The following TEX36 variants were observed in gnomAD, a reference collection of about 807,000 sequenced individuals.
TEX36 encodes the protein testis-expressed protein 36.
TEX36 carries 12 observed loss-of-function variants against 13.6 expected under a neutral mutation model. The ratio of observed to expected loss-of-function variants is 0.88; its 90% CI spans 0.56 to 1.43. The LOEUF is 1.43. TEX36 is among the 40% of genes most tolerant of loss of function. The pLI is 0.00. For synonymous variants in TEX36, 93 were observed against 83.0 expected (o/e 1.12, Z -0.65); for missense variants, 224 against 228.3 (o/e 0.98, Z 0.12).
chr10:125,619,144 A>G (rs1846397120), downstream of TEX36, among the ~76,000 whole-genome samples: 1 of 151,736 alleles, frequency 6.6e-6, no homozygotes, highest in South Asian at 2.1e-4. Flanking sequence ...AAATAAAAAT[A>G]AAAAAATAAA....
chr10:125,621,209 T>C (rs113142717), downstream of TEX36, among the ~76,000 whole-genome samples: 10 of 152,280 alleles, frequency 6.6e-5, no homozygotes, highest in African/African-American at 2.4e-4. Flanking sequence ...ATTTTGGATA[T>C]ATACCCAGGA....
chr10:125,639,759 A>G (rs1846662734), intron 3 of TEX36, among the ~76,000 whole-genome samples: 1 of 152,204 alleles, frequency 6.6e-6, no homozygotes, highest in Non-Finnish European at 1.5e-5. Context: ...TTCTCTAAAC[A>G]TCTAGAATGT....
intron 3 of TEX36, among the ~76,000 whole-genome samples, chr10:125,613,441 C>G (rs1298555829): frequency 2.1e-5 from 2 of 96,216 alleles, no homozygotes; most frequent in Admixed American, 1.3e-4. Context: ...TCCCCCCACC[C>G]CACAACAGTC....
intron 3 of TEX36, among the ~76,000 whole-genome samples, chr10:125,587,912 A>C (rs1442636693): frequency 6.6e-6 from 1 of 151,512 alleles, no homozygotes; most frequent in African/African-American, 2.4e-5. Context: ...GCTTTTGTTC[A>C]TTTTGCAATG....
At chr10:125,613,220 T>A in intron 3 of TEX36, among the ~76,000 whole-genome samples, 1 of 131,046 alleles carries the variant, frequency 7.6e-6, no homozygotes, top group East Asian at 2.6e-4. Flanking sequence ...CCACTTCCTT[T>A]TTTTTTTTTT....
chr10:125,648,728 C>T (rs6597716), intron 3 of TEX36, among the ~76,000 whole-genome samples: 3,959 of 152,214 alleles, frequency 0.026, 178 homozygotes, highest in African/African-American at 0.09. Flanking sequence ...GGAGAATGTT[C>T]GAACCCATCG....
chr10:125,654,157 C>T (rs73377645), downstream of TEX36, among the ~76,000 whole-genome samples: 10,734 of 151,934 alleles, frequency 0.071, 555 homozygotes, highest in South Asian at 0.18. Context: ...TCAACTGAAA[C>T]ATTATTAGAA....
downstream of TEX36, among the ~76,000 whole-genome samples, chr10:125,618,681 C>T (rs934041643): frequency 1.3e-5 from 2 of 152,016 alleles, no homozygotes; most frequent in African/African-American, 4.8e-5. Flanking sequence ...GATACCATGG[C>T]CTTCAGCTAG....
chr10:125,602,296 T>G (rs1846158940), intron 3 of TEX36, among the ~76,000 whole-genome samples: 1 of 152,184 alleles, frequency 6.6e-6, no homozygotes, highest in Non-Finnish European at 1.5e-5. Context: ...CACTATGAAA[T>G]TTGAAGTGAA....
At chr10:125,653,874 T>C (rs1021537905), downstream of TEX36, among the ~76,000 whole-genome samples, 2 of 151,896 alleles carry the variant, frequency 1.3e-5, no homozygotes, top group Non-Finnish European at 2.9e-5. Context: ...TCTCACTACA[T>C]AGGAGAATCA....
chr10:125,589,154 C>G (rs925278826), intron 3 of TEX36, among the ~76,000 whole-genome samples: 1 of 152,174 alleles, frequency 6.6e-6, no homozygotes, highest in East Asian at 1.9e-4. Flanking sequence ...CTGAGAACTA[C>G]CCGTTTATGT....
chr10:125,645,900 A>T (rs1407797966), intron 3 of TEX36, among the ~76,000 whole-genome samples: 1 of 152,272 alleles, frequency 6.6e-6, no homozygotes, highest in African/African-American at 2.4e-5. Flanking sequence ...AGAACATTTT[A>T]AAATTTTCAG....
Position 125,649,197 on chromosome 10 carries a change from T to C in TEX36, c.264+11824A>G, listed in dbSNP as rs4575175. Among the ~76,000 whole-genome samples, 733 of 152,104 alleles carry C rather than the reference T, an allele frequency of 4.8e-3. 27 individuals carry two copies. Among genetic ancestry groups the C allele is most frequent in the Admixed American group, 0.045 (690 of 15,278 alleles). On this transcript the variant is annotated intron_variant, in intron 3 of 3. Coordinates refer to the TEX36 transcript ENST00000526819. ...TCGAGAAGTGCAACTCCAAGACACA[T>C]AATTGTCAGATTCACCAAAGTTGAA...
intron 3 of TEX36, among the ~76,000 whole-genome samples, chr10:125,585,641 G>T (rs974202777): frequency 2.6e-5 from 4 of 152,164 alleles, no homozygotes; most frequent in Non-Finnish European, 5.9e-5. Flanking sequence ...AAGTCTTACA[G>T]AGACAGAGAA....
At chr10:125,617,139 G>T (rs2133556473), downstream of TEX36, among the ~76,000 whole-genome samples, 1 of 151,802 alleles carries the variant, frequency 6.6e-6, no homozygotes, top group East Asian at 1.9e-4. Context: ...CATTTGCTTG[G>T]TAGATCTTCC....
chr10:125,604,564 A>G (rs933293375), intron 3 of TEX36, among the ~76,000 whole-genome samples: 14 of 152,332 alleles, frequency 9.2e-5, no homozygotes, highest in African/African-American at 3.4e-4. Context: ...CTGCAATCCC[A>G]GCACTTTGGG....
chr10:125,581,658 TC>T (rs1265167682), intron 3 of TEX36, among the ~76,000 whole-genome samples: 1 of 152,098 alleles, frequency 6.6e-6, no homozygotes. Context: ...TCTGCCTTTT[TC>T]CCCCCTAAGG....
intron 3 of TEX36, among the ~76,000 whole-genome samples, chr10:125,627,593 T>C (rs1172222185): frequency 1.3e-5 from 2 of 152,254 alleles, no homozygotes; most frequent in Non-Finnish European, 2.9e-5. Context: ...TTATCTTAAT[T>C]TTAATAAAAA....
chr10:125,648,918 T>C (rs1029442017), intron 3 of TEX36, among the ~76,000 whole-genome samples: 2 of 152,036 alleles, frequency 1.3e-5, no homozygotes, highest in Non-Finnish European at 2.9e-5. Context: ...TGATTGAAGA[T>C]CAAATGAATG....
Sources: allele counts gnomAD v4.1 joint callset (sites outside exome capture counted in the v4.1 genomes callset), GRCh38; gene constraint gnomAD v4.1.1; transcripts MANE v1.5; gene names NCBI Gene and HGNC (gene_info 2026-07-23, HGNC 2026-07-21).